Variants in EHMT1 observed in about 807,000 individuals in gnomAD.
The protein encoded by EHMT1 is histone-lysine N-methyltransferase EHMT1.
EHMT1 carries 15 observed loss-of-function variants against 147.2 expected under a neutral mutation model. The observed-to-expected ratio is 0.10, with a 90% CI of 0.07 to 0.16. EHMT1 has a LOEUF of 0.16. Among genes scored for constraint, EHMT1 ranks in the 10% least tolerant of loss-of-function variants. The pLI is 1.00. For synonymous variants in EHMT1, 795 were observed against 709.6 expected, an observed-to-expected ratio of 1.12 and a Z score of -1.91; for missense variants, 1,587 against 1,772.4, an observed-to-expected ratio of 0.90 and a Z score of 1.88.
Position 137,776,390 on chromosome 9 carries a change from G to A in EHMT1, c.1792-228G>A. ...GCCTAGGTGGGTTGGAGGCAGCCAA[G>A]TGACCTCTGTCTGGCTTCAGCTTCT... On this transcript the variant is annotated intron_variant, in intron 11 of 26. Coordinates refer to ENST00000460843, the MANE Select transcript of EHMT1 (RefSeq NM_024757.5). This position sits in a 1 kb window ranked among gnomAD's most constrained non-coding sequence, Gnocchi z 4.4. The A allele has an allele frequency of 2.0e-6, 1 of 487,952 alleles. No homozygotes were observed. The highest frequency in any genetic ancestry group is 3.7e-6 in the Non-Finnish European group (1 of 267,514). 30.2% of individuals were successfully genotyped at this position (487,952 alleles called of 1,614,324 possible). A position where few individuals can be genotyped will look rare whatever the true frequency, so the allele number is the denominator to read the frequency against.
chr9:137,795,605 C>T (rs1458304123), intron 16 of EHMT1, among the ~76,000 whole-genome samples: 2 of 152,028 alleles, frequency 1.3e-5, no homozygotes, highest in African/African-American at 4.8e-5. Flanking sequence ...AGACAGTGGC[C>T]CCGGCTGGGA....
chr9:137,667,887 C>T (rs565317288), intron 1 of EHMT1, among the ~76,000 whole-genome samples: 37 of 152,118 alleles, frequency 2.4e-4, no homozygotes, highest in Admixed American at 5.2e-4. Context: ...TATTTGGTTT[C>T]GTGGAATCCA....
intron 2 of EHMT1, chr9:137,715,511 T>G: frequency 2.0e-6 from 2 of 982,258 alleles, no homozygotes; most frequent in Non-Finnish European, 2.4e-6. Context: ...CTCGAGGTGA[T>G]AAGCACCAGG....
intron 1 of EHMT1, among the ~76,000 whole-genome samples, chr9:137,639,244 G>A (rs1293512618): frequency 1.3e-5 from 2 of 151,644 alleles, no homozygotes; most frequent in South Asian, 2.1e-4. Context: ...AAAAAATCCC[G>A]TATTATATTC....
chr9:137,656,270 C>A (rs1207150458), intron 1 of EHMT1, among the ~76,000 whole-genome samples: 3 of 152,150 alleles, frequency 2.0e-5, no homozygotes, highest in Non-Finnish European at 4.4e-5. Context: ...ATCCCAGCTA[C>A]TCAGGAGGCT....
At chr9:137,784,004 A>G (rs980321373) in intron 15 of EHMT1, 17 of 574,892 alleles carry the variant, frequency 3.0e-5, no homozygotes, top group Admixed American at 2.7e-4. Flanking sequence ...AATGTCTTAT[A>G]TTGTAGTTTT....
intron 10 of EHMT1, among the ~76,000 whole-genome samples, chr9:137,773,463 G>A (rs1370427728): frequency 2.0e-5 from 3 of 151,122 alleles, no homozygotes; most frequent in African/African-American, 4.9e-5. Flanking sequence ...TGGGCATCGA[G>A]AAGTCTCTTG....
chr9:137,724,122 C>T (rs1010298316), intron 3 of EHMT1, among the ~76,000 whole-genome samples: 6 of 152,228 alleles, frequency 3.9e-5, no homozygotes, highest in African/African-American at 1.4e-4. Flanking sequence ...TGTGTTTCCA[C>T]ACCTCACCTC....
chr9:137,682,766 C>T (rs1411028116), intron 1 of EHMT1, among the ~76,000 whole-genome samples: 1 of 152,190 alleles, frequency 6.6e-6, no homozygotes, highest in Admixed American at 6.5e-5. Context: ...CTGTTAGTCT[C>T]AGTGCTGCAC....
At chr9:137,639,502 G>A (rs977759349) in intron 1 of EHMT1, among the ~76,000 whole-genome samples, 4 of 152,082 alleles carry the variant, frequency 2.6e-5, no homozygotes, top group Admixed American at 1.3e-4. Flanking sequence ...GTTATCTTGC[G>A]TGTGTTTATA....
At chr9:137,715,629 G>A in intron 2 of EHMT1, 2 of 985,472 alleles carry the variant, frequency 2.0e-6, no homozygotes, top group Non-Finnish European at 2.4e-6. Context: ...AGCCTGTCCT[G>A]AGCTGAGTGT....
rs1955472545 is a variant in EHMT1 at position 137,822,219 on chromosome 9, G to A, written c.3540+4081G>A. On this transcript the variant is annotated intron_variant, in intron 25 of 26. Coordinates refer to ENST00000460843, the MANE Select transcript of EHMT1 (RefSeq NM_024757.5). The stretch of plus-strand genomic sequence containing the variant: ...ACGTGGCTACACGTGTCAGTGGTTT[G>A]TTCCTTTCTGTTGTTGGACGGTGAC... Among the ~76,000 whole-genome samples, 10 of 152,216 alleles carry A rather than the reference G, an allele frequency of 6.6e-5. No homozygotes were observed. The South Asian group carries it at 2.1e-3, about 32-fold the overall frequency.
chr9:137,634,134 C>T (rs930597638), intron 1 of EHMT1, among the ~76,000 whole-genome samples: 1 of 152,080 alleles, frequency 6.6e-6, no homozygotes, highest in South Asian at 2.1e-4. Context: ...TTCTTGATGC[C>T]TTCCTTTGAA....
In EHMT1 at chr9:137,760,985, C is replaced by T. The variant is rs147650243; in HGVS notation, c.1502-1690C>T. Among the ~76,000 whole-genome samples the T allele has an allele frequency of 4.3e-3, 651 of 152,266 alleles. 4 individuals are homozygous for T. Among genetic ancestry groups the T allele is most frequent in the African/African-American group, 0.015 (619 of 41,530 alleles). On this transcript the variant is annotated intron_variant, in intron 9 of 26. Coordinates refer to ENST00000460843, the MANE Select transcript of EHMT1 (RefSeq NM_024757.5). ...TCGCACCACTGCACTCCAGCCTGGG[C>T]GACAGAGCGAGACTCTGGCTCAGAA...
intron 1 of EHMT1, among the ~76,000 whole-genome samples, chr9:137,699,687 AAAG>A (rs1186136826): frequency 2.0e-5 from 3 of 151,676 alleles, no homozygotes; most frequent in Non-Finnish European, 4.4e-5. Flanking sequence ...AAAAAAAAAA[AAAG>A]AGAAAAAGAT....
chr9:137,761,749 G>T (rs112553746), intron 9 of EHMT1, among the ~76,000 whole-genome samples: 3 of 152,162 alleles, frequency 2.0e-5, no homozygotes, highest in African/African-American at 7.2e-5. Flanking sequence ...GAGCCACCGC[G>T]CCCAGCCAAG....
At chr9:137,670,727 G>C (rs1370060487) in intron 1 of EHMT1, among the ~76,000 whole-genome samples, 2 of 152,132 alleles carry the variant, frequency 1.3e-5, no homozygotes, top group Admixed American at 1.3e-4. Context: ...CAGTTCCTAC[G>C]GGCCTGTCTG....
chr9:137,798,080 G>C (rs895619782), intron 16 of EHMT1, among the ~76,000 whole-genome samples: 1 of 152,230 alleles, frequency 6.6e-6, no homozygotes, highest in South Asian at 2.1e-4. Flanking sequence ...AAGGAAATGA[G>C]AGGGTGTTCC....
intron 3 of EHMT1, among the ~76,000 whole-genome samples, chr9:137,720,265 T>G (rs945454408): frequency 2.6e-5 from 4 of 152,140 alleles, no homozygotes; most frequent in African/African-American, 9.7e-5. Flanking sequence ...CCTGAACCTG[T>G]GCCAGCCTCT....
Sources: allele counts gnomAD v4.1 joint callset (sites outside exome capture counted in the v4.1 genomes callset), GRCh38; gene constraint gnomAD v4.1.1; non-coding constraint Gnocchi (gnomAD v3.1); transcripts MANE v1.5; gene names NCBI Gene and HGNC (gene_info 2026-07-23, HGNC 2026-07-21).